HSPG2: variants seen among roughly 807,000 people sequenced by gnomAD.
HSPG2 encodes basement membrane-specific heparan sulfate proteoglycan core protein.
In HSPG2, 278 loss-of-function variants were observed where a neutral mutation model predicts 526.6. The observed-to-expected ratio is 0.53, with a 90% confidence interval of 0.48 to 0.58. HSPG2 has a LOEUF of 0.58. Ranked by LOEUF, HSPG2 falls within the 20% of genes least tolerant of loss-of-function variation. The pLI is 0.00. For missense variants in HSPG2, 5,354 were observed against 6,099.5 expected, an observed-to-expected ratio of 0.88 and a Z score of 4.07; for synonymous variants, 2,465 against 2,555.4, an observed-to-expected ratio of 0.96 and a Z score of 1.07.
In HSPG2 at chr1:21,881,441, C is replaced by A; in HGVS notation, c.1716G>T (p.Gln572His). ...GGAACTCGTGCAGGGATGGGTCGAT[C>A]TGCAGCTGCGTGGAGGAGAGGGGTG... The part of the protein sequence containing the change: ...GTPPLSSTQL[Q>H]IDPSLHEFQL... Residue 572 changes from glutamine (Q) to histidine (H), a missense_variant, in exon 14 of 97, where the codon CAG becomes CAT. Transcript: ENST00000374695. 1 of 1,613,768 alleles carries A rather than the reference C, an allele frequency of 6.2e-7. No homozygotes were observed. The highest frequency in any genetic ancestry group is 1.1e-5 in the South Asian group (1 of 91,072).
chr1:21,902,239 T>A (rs1213066873), intron 1 of HSPG2, among the ~76,000 whole-genome samples: 7 of 152,172 alleles, frequency 4.6e-5, no homozygotes, highest in Non-Finnish European at 1.0e-4. Flanking sequence ...GGCCACAGCC[T>A]CCTCTGGCAT....
chr1:21,888,431 C>T (rs919506709), intron 6 of HSPG2, among the ~76,000 whole-genome samples: 2 of 152,160 alleles, frequency 1.3e-5, no homozygotes, highest in African/African-American at 4.8e-5. Context: ...CTTGCCCACA[C>T]CCTTCTTTCC....
intron 81 of HSPG2, among the ~76,000 whole-genome samples, chr1:21,832,177 A>T (rs2098007224): frequency 6.6e-6 from 1 of 152,172 alleles, no homozygotes; most frequent in Admixed American, 6.5e-5. Context: ...CAAGAGCCAG[A>T]ATTTGGTCTG....
At chr1:21,876,810 G>T (rs577574636) in intron 21 of HSPG2, among the ~76,000 whole-genome samples, 158 bp from the exon 22 acceptor site, 193 of 152,280 alleles carry the variant, frequency 1.3e-3, no homozygotes, top group Non-Finnish European at 1.9e-3. Flanking sequence ...TGTAATCCCA[G>T]CACTTTGGGA....
chr1:21,829,027 A>C lies in HSPG2; in HGVS notation c.12045T>G (p.Arg4015=). 6.4e-7 allele frequency: 1 copy of C among 1,552,972 alleles called. No homozygotes were observed. The highest frequency in any genetic ancestry group is 8.7e-7 in the Non-Finnish European group (1 of 1,149,394). The change falls in exon 88 of 97, where the codon CGT becomes CGG. Residue 4015 remains arginine (R), a synonymous_variant. Transcript: ENST00000374695. ...AEPLALGRWH[R]VSAERLNKDG... ...CCTTGTTGAGACGCTCTGCAGACAC[A>C]CGGTGCCAGCGGCCCAGGGCCAGCG...
rs1373848573 is a variant in HSPG2 at position 21,830,981 on chromosome 1, C to A, written c.11671+1G>T. 2 of 1,574,682 alleles carry A rather than the reference C, an allele frequency of 1.3e-6. No individual in the cohort carries two copies. Among genetic ancestry groups the A allele is most frequent in the South Asian group, 2.3e-5 (2 of 86,912 alleles). ...CAGCGACTGGCGGTCGGGGTGCGTA[C>A]CTGGATGGCAGTGCAGGGCCTGCGA... On this transcript the variant is annotated splice_donor_variant, in intron 85 of 96. Coordinates refer to ENST00000374695, the MANE Select transcript of HSPG2 (RefSeq NM_005529.7). LOFTEE classifies it high-confidence loss of function.
At chr1:21,928,957 T>C (rs1468182017) in intron 1 of HSPG2, among the ~76,000 whole-genome samples, 2 of 151,382 alleles carry the variant, frequency 1.3e-5, no homozygotes, top group African/African-American at 4.9e-5. Context: ...ACGAGGTTTC[T>C]CCATGGTGGT....
chr1:21,849,028 G>A lies in HSPG2; in HGVS notation c.7450C>T (p.His2484Tyr). ...GGSLPARHQV[H>Y]GSRLRLLQVT... ...TGGAGCAGGCGTAGCCTCGAGCCATGCACCTGGGAGGGTCAGGAGGGAGGA... is the reference window on the plus strand; with the variant it reads ...TGGAGCAGGCGTAGCCTCGAGCCATACACCTGGGAGGGTCAGGAGGGAGGA... Residue 2484 changes from histidine to tyrosine, a missense_variant, in exon 58 of 97, where the codon CAT becomes TAT. Transcript: ENST00000374695. 1 of 1,613,838 alleles carries A rather than the reference G, an allele frequency of 6.2e-7. No individual in the cohort carries two copies. The highest frequency in any genetic ancestry group is 8.5e-7 in the Non-Finnish European group (1 of 1,179,994).
chr1:21,896,172 C>T lies in HSPG2; in HGVS notation c.199+3G>A. The T allele has an allele frequency of 3.1e-6, 5 of 1,613,936 alleles. No homozygotes were observed. The highest frequency in any genetic ancestry group is 4.2e-6 in the Non-Finnish European group (5 of 1,179,974). On this transcript the variant is annotated splice_donor_region_variant and intron_variant, in intron 2 of 96. Transcript: ENST00000374695. ...TGCTCCCAGCCTTGGATCCTTGGCT[C>T]ACCTCCTGAGATGCTGTCAGCCAGC... is the stretch of plus-strand genomic sequence containing the variant.
chr1:21,865,013 C>T lies in HSPG2; in HGVS notation c.4456G>A (p.Ala1486Thr), dbSNP rs1402631353. ...CGGATCAGGAGCTCATCCAGGTCGGCCAGTGCCATCAGGAGGTGCTCGCGT... is the reference window on the plus strand; with the variant it reads ...CGGATCAGGAGCTCATCCAGGTCGGTCAGTGCCATCAGGAGGTGCTCGCGT... ...ATREHLLMAL[A>T]DLDELLIRAT... The change falls in exon 36 of 97, where the codon GCC (alanine) becomes ACC (threonine). Residue 1486 changes from alanine (A) to threonine (T), a missense_variant. Ala to Thr is a moderately conservative substitution (Grantham distance 58). Coordinates refer to ENST00000374695, the MANE Select transcript of HSPG2 (RefSeq NM_005529.7). This position sits in a 1 kb window ranked among gnomAD's most constrained non-coding sequence, Gnocchi z 5.4. 1.3e-6 allele frequency: 2 copies of T among 1,577,816 alleles called. No homozygotes were observed. Among genetic ancestry groups the T allele is most frequent in the Non-Finnish European group, 1.7e-6 (2 of 1,164,290 alleles).
At chr1:21,827,181 C>G (rs1572139249) in intron 91 of HSPG2, among the ~76,000 whole-genome samples, 1 of 152,224 alleles carries the variant, frequency 6.6e-6, no homozygotes, top group East Asian at 1.9e-4. Flanking sequence ...GCACTCCAGC[C>G]TGGGTGAAAG....
chr1:21,879,202 G>T, intron 17 of HSPG2, 81 bp from the exon 18 acceptor site: 1 of 1,537,976 alleles, frequency 6.5e-7, no homozygotes. Context: ...AGGCTGTCTA[G>T]CTCAGCCTCC....
At chr1:21,850,273 C>T in intron 56 of HSPG2, 81 bp from the exon 57 acceptor site, 2 of 1,610,994 alleles carry the variant, frequency 1.2e-6, no homozygotes, top group Non-Finnish European at 1.7e-6. Context: ...CAGGTGCAGT[C>T]TGCGGCTTGG....
intron 33 of HSPG2, among the ~76,000 whole-genome samples, chr1:21,868,227 C>A (rs113891542): frequency 0.013 from 2,025 of 151,330 alleles, 18 homozygotes; most frequent in Non-Finnish European, 0.02. Context: ...TTAGTAGAGA[C>A]AGGGTTTCAC....
At chr1:21,878,947 T>G in intron 18 of HSPG2, 47 bp downstream of exon 18, 2 of 1,598,082 alleles carry the variant, frequency 1.3e-6, no homozygotes, top group Non-Finnish European at 1.7e-6. Context: ...TCTGGCCTGT[T>G]GCACTGTCCC....
At chr1:21,870,408 A>G (rs202145986) in intron 33 of HSPG2, 1 of 270,624 alleles carries the variant, frequency 3.7e-6, no homozygotes, top group Non-Finnish European at 4.9e-6. Flanking sequence ...CATGGTAGTC[A>G]GAAAGGCCCA....
intron 96 of HSPG2, 39 bp downstream of exon 96, chr1:21,823,577 C>G: frequency 6.2e-7 from 1 of 1,609,438 alleles, no homozygotes; most frequent in Non-Finnish European, 8.5e-7. Flanking sequence ...AAGGGAGTGC[C>G]GTTCCTGCCC....
rs1644517080 is a variant in HSPG2, at chr1:21,937,286, C to G, written c.-69G>C. The stretch of plus-strand genomic sequence containing the variant: ...CCGCTCCGCGCCGCCCGCAGCCGCC[C>G]GCTCGCCGGCCAGCTCGGGACAGCG... On this transcript the variant is annotated 5_prime_UTR_variant, in exon 1 of 97. Transcript: ENST00000374695. 2 of 526,800 alleles carry G rather than the reference C, an allele frequency of 3.8e-6. No homozygotes were observed. Among genetic ancestry groups the G allele is most frequent in the Admixed American group, 6.7e-5 (1 of 14,974 alleles). 32.6% of individuals were successfully genotyped at this position (526,800 alleles called of 1,614,324 possible).
At position 21,824,398 on chromosome 1, in the gene HSPG2, T is replaced by G. The variant is rs1462974303; in HGVS notation, c.12745-22A>C. 1 of 1,613,092 alleles carries G rather than the reference T, an allele frequency of 6.2e-7. No homozygotes were observed. The highest frequency in any genetic ancestry group is 2.2e-5 in the East Asian group (1 of 44,860). ...CCTCCTGCCAGGGAAGCACAGGGTC[T>G]CTGGGGTCCCCAGCCTGGAGAGCAG... is the stretch of plus-strand genomic sequence containing the variant. On this transcript the variant is annotated intron_variant, in intron 93 of 96. Coordinates refer to ENST00000374695, the MANE Select transcript of HSPG2 (RefSeq NM_005529.7). The surrounding 1 kb of genome is among the most constrained non-coding windows in gnomAD (Gnocchi z 5.9).
Sources: gnomAD v4.1 joint callset for allele counts (sites outside exome capture counted in the v4.1 genomes callset) on GRCh38, gnomAD v4.1.1 for gene constraint, Gnocchi (gnomAD v3.1) non-coding constraint, MANE v1.5 for transcripts, NCBI Gene and HGNC (gene_info 2026-07-23, HGNC 2026-07-21) for gene names.